GADL1: variants seen among roughly 807,000 people sequenced by gnomAD.
GADL1 encodes the protein acidic amino acid decarboxylase GADL1.
GADL1 carries 71 observed loss-of-function variants against 69.5 expected under a neutral mutation model. The ratio of observed to expected loss-of-function variants is 1.02; its 90% CI spans 0.84 to 1.25. GADL1 has a LOEUF of 1.25. Among genes scored for constraint, GADL1 ranks in the 50% most tolerant of loss-of-function variants. The pLI is 0.00. For missense variants in GADL1, 737 were observed against 631.8 expected, an observed-to-expected ratio of 1.17 and a Z score of -1.79; for synonymous variants, 254 against 214.4, an observed-to-expected ratio of 1.18 and a Z score of -1.62.
At chr3:30,804,005 A>G (rs1382177230) in intron 11 of GADL1, among the ~76,000 whole-genome samples, 1 of 152,230 alleles carries the variant, frequency 6.6e-6, no homozygotes, top group Non-Finnish European at 1.5e-5. Context: ...CAAGTATCCA[A>G]TGAAAAGACA....
chr3:30,788,237 A>G (rs1163420071), intron 12 of GADL1, among the ~76,000 whole-genome samples: 1 of 152,214 alleles, frequency 6.6e-6, no homozygotes, highest in Non-Finnish European at 1.5e-5. Flanking sequence ...TGCAAATTAA[A>G]ACAATATAGG....
At chr3:30,845,687 C>T (rs753420402) in intron 6 of GADL1, among the ~76,000 whole-genome samples, 5 of 152,246 alleles carry the variant, frequency 3.3e-5, no homozygotes, top group Admixed American at 1.3e-4. Context: ...AGACCATATG[C>T]ATATTGAAGA....
intron 1 of GADL1, among the ~76,000 whole-genome samples, chr3:30,864,405 TAAAAA>T (rs1698366008): frequency 6.6e-6 from 1 of 151,410 alleles, no homozygotes; most frequent in Admixed American, 6.6e-5. Flanking sequence ...CACGATAAAA[TAAAAA>T]ATGTCAACAC....
In GADL1 at chr3:30,800,806, G is replaced by C. The variant is rs547665875; in HGVS notation, c.1250+83C>G. 109 of 727,168 alleles carry C rather than the reference G, an allele frequency of 1.5e-4. 1 individual carries two copies. Among genetic ancestry groups the C allele is most frequent in the East Asian group, 1.0e-3 (38 of 37,312 alleles). 45.0% of individuals were successfully genotyped at this position (727,168 alleles called of 1,614,324 possible). A position where few individuals can be genotyped will look rare whatever the true frequency, so the allele number is the denominator to read the frequency against. On this transcript the variant is annotated intron_variant, in intron 12 of 14. Transcript: ENST00000282538. ...GGTCTTCCTATTACAGACACAGATA[G>C]ACACACACACACACACACACACACA... is the stretch of plus-strand genomic sequence containing the variant.
At chr3:30,766,017 G>A (rs1696267416) in intron 14 of GADL1, among the ~76,000 whole-genome samples, 1 of 152,138 alleles carries the variant, frequency 6.6e-6, no homozygotes, top group Admixed American at 6.5e-5. Context: ...ATAAGTCTTG[G>A]GAAAGCTGAG....
At chr3:30,791,766 C>T (rs1416287931) in intron 12 of GADL1, among the ~76,000 whole-genome samples, 1 of 152,122 alleles carries the variant, frequency 6.6e-6, no homozygotes, top group African/African-American at 2.4e-5. Flanking sequence ...CCATAATCCC[C>T]ATGGGTCATG....
chr3:30,771,367 AAAC>A (rs767133298), intron 14 of GADL1, among the ~76,000 whole-genome samples: 4 of 152,196 alleles, frequency 2.6e-5, no homozygotes, highest in African/African-American at 7.2e-5. Flanking sequence ...AGAATACTTA[AAAC>A]AACATTTTAT....
At chr3:30,790,481 AAAC>A (rs1210850249) in intron 12 of GADL1, among the ~76,000 whole-genome samples, 3 of 152,178 alleles carry the variant, frequency 2.0e-5, no homozygotes, top group East Asian at 1.9e-4. Flanking sequence ...CAATTTGTAA[AAAC>A]AACAAAACCC....
At chr3:30,851,845 G>A (rs868699452) in intron 4 of GADL1, among the ~76,000 whole-genome samples, 20 of 152,094 alleles carry the variant, frequency 1.3e-4, no homozygotes, top group Admixed American at 3.3e-4. Flanking sequence ...TGATCCCAAG[G>A]GTACTCCTTA....
chr3:30,757,652 A>G (rs567673024), intron 14 of GADL1, among the ~76,000 whole-genome samples: 1 of 152,324 alleles, frequency 6.6e-6, no homozygotes, highest in African/African-American at 2.4e-5. Context: ...GAGTAAACAC[A>G]GAAGGACCTA....
intron 11 of GADL1, among the ~76,000 whole-genome samples, chr3:30,817,501 T>C (rs1209707373): frequency 6.6e-6 from 1 of 152,194 alleles, no homozygotes; most frequent in Non-Finnish European, 1.5e-5. Context: ...GGGCCCTATA[T>C]CTTTCAAAAT....
At chr3:30,888,026 G>C (rs1374359219) in intron 1 of GADL1, among the ~76,000 whole-genome samples, 1 of 152,066 alleles carries the variant, frequency 6.6e-6, no homozygotes, top group Non-Finnish European at 1.5e-5. Context: ...CCTGTATATT[G>C]TAAATCATCT....
chr3:30,751,721 T>C (rs1021436115), intron 14 of GADL1, among the ~76,000 whole-genome samples: 4 of 152,314 alleles, frequency 2.6e-5, no homozygotes, highest in South Asian at 2.1e-4. Flanking sequence ...CGGAGATCTA[T>C]GCACTGAGAA....
intron 11 of GADL1, among the ~76,000 whole-genome samples, chr3:30,803,712 TTA>T (rs1479730851): frequency 6.6e-6 from 1 of 152,222 alleles, no homozygotes; most frequent in Admixed American, 6.5e-5. Flanking sequence ...GGCTTGGGAT[TTA>T]CTTTATCAAA....
intron 12 of GADL1, among the ~76,000 whole-genome samples, chr3:30,792,768 A>AGG (rs758714827): frequency 1.3e-5 from 2 of 152,156 alleles, no homozygotes; most frequent in Non-Finnish European, 2.9e-5. Context: ...CGAAGAGCAG[A>AGG]GGGGGCTATA....
chr3:30,808,013 C>T (rs1181759735), intron 11 of GADL1, among the ~76,000 whole-genome samples: 1 of 152,068 alleles, frequency 6.6e-6, no homozygotes, highest in Admixed American at 6.5e-5. Context: ...GCCTGGGCAA[C>T]AGAGAGAGAC....
chr3:30,799,506 C>T (rs1697116527), intron 12 of GADL1: 1 of 152,156 alleles, frequency 6.6e-6, no homozygotes, highest in African/African-American at 2.4e-5. Context: ...ATTTATTCCT[C>T]CTAGGCTTCT....
intron 14 of GADL1, among the ~76,000 whole-genome samples, chr3:30,774,712 G>A (rs539589216): frequency 6.6e-6 from 1 of 151,996 alleles, no homozygotes; most frequent in African/African-American, 2.4e-5. Context: ...TGTATAGGGA[G>A]GTCATGTATT....
intron 11 of GADL1, among the ~76,000 whole-genome samples, chr3:30,809,630 A>T (rs1697316827): frequency 1.3e-5 from 2 of 152,110 alleles, no homozygotes; most frequent in African/African-American, 4.8e-5. Flanking sequence ...TTGTTCTCCA[A>T]TTCTCACTTC....
Sources: gnomAD v4.1 joint callset for allele counts (sites outside exome capture counted in the v4.1 genomes callset) on GRCh38, gnomAD v4.1.1 for gene constraint, MANE v1.5 for transcripts, NCBI Gene and HGNC (gene_info 2026-07-23, HGNC 2026-07-21) for gene names.